NRXN1: variants seen among roughly 807,000 people sequenced by gnomAD.
NRXN1 encodes the protein neurexin-1.
NRXN1 carries 39 observed loss-of-function variants against 150.9 expected under a neutral mutation model. The ratio of observed to expected loss-of-function variants is 0.26; its 90% CI spans 0.20 to 0.34. The LOEUF is 0.34. Ranked by LOEUF, NRXN1 falls within the 10% of genes least tolerant of loss-of-function variation. The pLI, the probability that NRXN1 is intolerant of heterozygous loss-of-function variation, is 1.00. For synonymous variants in NRXN1, 924 were observed against 757.0 expected (o/e 1.22, Z -3.62); for missense variants, 1,815 against 1,949.9 (o/e 0.93, Z 1.30).
intron 5 of NRXN1, among the ~76,000 whole-genome samples, chr2:50,653,498 C>T (rs890086910): frequency 2.1e-4 from 32 of 152,050 alleles, no homozygotes; most frequent in African/African-American, 7.2e-4. Flanking sequence ...AATACACCAA[C>T]TTAGGTTACA....
intron 2 of NRXN1, among the ~76,000 whole-genome samples, chr2:50,967,853 T>C (rs1259664808): frequency 1.3e-5 from 2 of 152,108 alleles, no homozygotes; most frequent in African/African-American, 4.8e-5. Context: ...TGTTAGTTTT[T>C]CTGCTTATTT....
At chr2:50,217,501 G>T (rs1244518756) in intron 18 of NRXN1, among the ~76,000 whole-genome samples, 1 of 151,940 alleles carries the variant, frequency 6.6e-6, no homozygotes, top group Non-Finnish European at 1.5e-5. Flanking sequence ...ATAATTACAT[G>T]CTTTAAAACT....
intron 17 of NRXN1, among the ~76,000 whole-genome samples, chr2:50,239,508 A>AT (rs1414461388): frequency 6.7e-6 from 1 of 148,624 alleles, no homozygotes; most frequent in Non-Finnish European, 1.5e-5. Context: ...CAATTAAAAA[A>AT]AATCTTATCT....
chr2:50,121,398 T>C (rs935781713), intron 18 of NRXN1, among the ~76,000 whole-genome samples: 2 of 152,194 alleles, frequency 1.3e-5, no homozygotes, highest in African/African-American at 4.8e-5. Flanking sequence ...ATTTTACATA[T>C]GATGAAACTA....
chr2:50,272,241 A>C (rs1415687582), intron 17 of NRXN1, among the ~76,000 whole-genome samples: 2 of 152,228 alleles, frequency 1.3e-5, no homozygotes, highest in Non-Finnish European at 1.5e-5. Context: ...AGAGAAGTAC[A>C]TTCTATCACC....
chr2:50,885,828 C>T (rs1680151721), intron 5 of NRXN1, among the ~76,000 whole-genome samples: 1 of 150,586 alleles, frequency 6.6e-6, no homozygotes, highest in Admixed American at 6.6e-5. Flanking sequence ...TAAACACACA[C>T]ACACACACAC....
intron 5 of NRXN1, among the ~76,000 whole-genome samples, chr2:50,904,808 T>C (rs1367577355): frequency 1.3e-5 from 2 of 152,174 alleles, no homozygotes; most frequent in Non-Finnish European, 2.9e-5. Flanking sequence ...TCATCACTGC[T>C]GAATGTTGTC....
Position 49,920,334 on chromosome 2 carries a change from T to A in NRXN1, c.*1610A>T, listed in dbSNP as rs1293486225. On this transcript the variant is annotated 3_prime_UTR_variant, in exon 23 of 23. Transcript: ENST00000401669. ...AGTGTTTACTTTCCAGAAATGTTCA[T>A]CATGCACATCAGATTCAGAGATATA... 3 of 152,564 alleles carry A rather than the reference T, an allele frequency of 2.0e-5. No homozygotes were observed. The highest frequency in any genetic ancestry group is 7.2e-5 in the African/African-American group (3 of 41,406). 9.5% of individuals were successfully genotyped at this position (152,564 alleles called of 1,614,324 possible). A position where few individuals can be genotyped will look rare whatever the true frequency, so the allele number is the denominator to read the frequency against.
chr2:50,997,328 T>C (rs1699449551), intron 2 of NRXN1, among the ~76,000 whole-genome samples: 1 of 151,922 alleles, frequency 6.6e-6, no homozygotes, highest in Non-Finnish European at 1.5e-5. Context: ...CAGCTGCCAT[T>C]GCACTCCAGC....
intron 2 of NRXN1, among the ~76,000 whole-genome samples, chr2:50,932,761 C>T (rs1484074195): frequency 6.6e-6 from 1 of 152,024 alleles, no homozygotes; most frequent in Non-Finnish European, 1.5e-5. Flanking sequence ...TAGAAAAACA[C>T]ACACACAAAA....
At chr2:50,014,442 C>G (rs540371699) in intron 21 of NRXN1, among the ~76,000 whole-genome samples, 1 of 152,014 alleles carries the variant, frequency 6.6e-6, no homozygotes, top group Non-Finnish European at 1.5e-5. Context: ...GGGGGACTGA[C>G]CTGTGCACTG....
intron 10 of NRXN1, among the ~76,000 whole-genome samples, chr2:50,536,073 G>T (rs114471389): frequency 7.9e-5 from 12 of 152,232 alleles, no homozygotes; most frequent in Non-Finnish European, 1.3e-4. Flanking sequence ...TTGGAAATTC[G>T]GAGGTTCAGG....
chr2:50,548,668 T>TA (rs1391976753), intron 9 of NRXN1, among the ~76,000 whole-genome samples: 7 of 152,032 alleles, frequency 4.6e-5, no homozygotes, highest in Non-Finnish European at 7.4e-5. Flanking sequence ...AAACTGTGGA[T>TA]AAAAAAATAA....
intron 5 of NRXN1, among the ~76,000 whole-genome samples, chr2:50,700,229 AGATT>A (rs2104953425): frequency 6.6e-6 from 1 of 152,338 alleles, no homozygotes; most frequent in South Asian, 2.1e-4. Flanking sequence ...GTGTCAAATG[AGATT>A]GCTCCACCAC....
At chr2:50,871,245 T>C (rs1431478815) in intron 5 of NRXN1, among the ~76,000 whole-genome samples, 1 of 151,870 alleles carries the variant, frequency 6.6e-6, no homozygotes, top group Non-Finnish European at 1.5e-5. Context: ...CTATTCTCTA[T>C]TATCTTTATA....
intron 18 of NRXN1, among the ~76,000 whole-genome samples, chr2:50,202,507 CA>C (rs1331947314): frequency 1.3e-5 from 2 of 150,876 alleles, no homozygotes; most frequent in African/African-American, 4.9e-5. Context: ...ATCCATCTCA[CA>C]AAAACAAAAC....
At chr2:50,710,963 T>G (rs1695059598) in intron 5 of NRXN1, among the ~76,000 whole-genome samples, 1 of 152,166 alleles carries the variant, frequency 6.6e-6, no homozygotes, top group South Asian at 2.1e-4. Flanking sequence ...AAAATTTACC[T>G]CTGTGGCCCC....
chr2:50,401,992 A>C (rs1478060995), intron 17 of NRXN1, among the ~76,000 whole-genome samples: 2 of 152,070 alleles, frequency 1.3e-5, no homozygotes, highest in African/African-American at 4.8e-5. Flanking sequence ...AGTAGAGTGA[A>C]CTGAAGGTTT....
intron 12 of NRXN1, among the ~76,000 whole-genome samples, chr2:50,523,722 T>C (rs1004605802): frequency 2.6e-5 from 4 of 152,214 alleles, no homozygotes; most frequent in Non-Finnish European, 5.9e-5. Flanking sequence ...TTTTCAAAAA[T>C]ATACTATGTG....
Sources: allele counts gnomAD v4.1 joint callset (sites outside exome capture counted in the v4.1 genomes callset), GRCh38; gene constraint gnomAD v4.1.1; transcripts MANE v1.5; gene names NCBI Gene and HGNC (gene_info 2026-07-23, HGNC 2026-07-21).